Variants in NPHP1 observed in about 807,000 individuals in gnomAD.
NPHP1 encodes nephrocystin-1.
A neutral mutation model predicts 90.4 loss-of-function variants in NPHP1; 70 were observed. That is an observed-to-expected ratio of 0.77 (90% CI 0.64 to 0.95). The LOEUF (loss-of-function observed/expected upper bound fraction) is 0.95. Ranked by LOEUF, NPHP1 falls within the 40% of genes least tolerant of loss-of-function variation. The pLI is 0.00. For synonymous variants in NPHP1, 256 were observed against 271.7 expected (o/e 0.94, Z 0.57); for missense variants, 764 against 795.9 (o/e 0.96, Z 0.48).
intron 1 of NPHP1, among the ~76,000 whole-genome samples, chr2:110,204,490 T>C (rs559091562): frequency 3.3e-5 from 5 of 152,206 alleles, no homozygotes; most frequent in African/African-American, 1.2e-4. Flanking sequence ...TGAGGAAGGC[T>C]GAAAGGAAAT....
At chr2:110,192,083 T>A (rs943379280) in intron 2 of NPHP1, among the ~76,000 whole-genome samples, 3 of 151,540 alleles carry the variant, frequency 2.0e-5, no homozygotes, top group Non-Finnish European at 4.4e-5. Context: ...AACTGAAAAT[T>A]CTAAAAATCA....
At chr2:110,153,020 A>G (rs1681610937) in intron 11 of NPHP1, among the ~76,000 whole-genome samples, 1 of 152,148 alleles carries the variant, frequency 6.6e-6, no homozygotes, top group Non-Finnish European at 1.5e-5. Flanking sequence ...TACACCGTAA[A>G]CTTCTGAAAA....
At chr2:110,135,034 T>C (rs898134566) in intron 16 of NPHP1, among the ~76,000 whole-genome samples, 1 of 152,032 alleles carries the variant, frequency 6.6e-6, no homozygotes, top group Admixed American at 6.6e-5. Flanking sequence ...ATATGTAGAA[T>C]ATATGTAGAA....
rs3748031 is a variant in NPHP1, at chr2:110,124,113, A to C, written c.1762-50T>G. 44 of 1,606,676 alleles carry C rather than the reference A, an allele frequency of 2.7e-5. No individual in the cohort carries two copies. In the East Asian group the frequency reaches 9.6e-4, roughly 35 times the overall value. On this transcript the variant is annotated intron_variant, in intron 19 of 19. Coordinates refer to ENST00000445609, the MANE Select transcript of NPHP1 (RefSeq NM_001128178.3). ...TAACATTGTTATTTTTAAAGTGTTAAATTCTGTGAACTCTATTAACTAAAA... is the reference window on the plus strand; with the variant it reads ...TAACATTGTTATTTTTAAAGTGTTACATTCTGTGAACTCTATTAACTAAAA...
At chr2:110,191,366 C>T (rs1352709154) in intron 2 of NPHP1, among the ~76,000 whole-genome samples, 3 of 152,230 alleles carry the variant, frequency 2.0e-5, no homozygotes, top group Admixed American at 6.5e-5. Flanking sequence ...CAGGAGATTA[C>T]ATCGCGCACA....
At chr2:110,127,239 C>T (rs1395610413) in intron 18 of NPHP1, 3 of 152,126 alleles carry the variant, frequency 2.0e-5, no homozygotes, top group South Asian at 2.1e-4. Context: ...GAGGCTCCAC[C>T]AGCCTGTACC....
At chr2:110,166,708 A>T (rs1304353649) in intron 6 of NPHP1, among the ~76,000 whole-genome samples, 5 of 152,164 alleles carry the variant, frequency 3.3e-5, no homozygotes, top group Non-Finnish European at 5.9e-5. Flanking sequence ...CTTCTACCTT[A>T]TTTAAGCTAC....
intron 15 of NPHP1, chr2:110,143,870 A>C (rs1680825897): frequency 2.0e-6 from 1 of 500,494 alleles, no homozygotes; most frequent in African/African-American, 1.9e-5. Context: ...AAAGGAAAAC[A>C]GCATGTCTGA....
intron 2 of NPHP1, among the ~76,000 whole-genome samples, chr2:110,190,880 T>C (rs987291278): frequency 1.3e-5 from 2 of 151,874 alleles, no homozygotes; most frequent in Admixed American, 6.6e-5. Context: ...AAAAACCCCA[T>C]TAAAAAGTGA....
intron 4 of NPHP1, chr2:110,178,188 G>A (rs1683639314): frequency 1.9e-6 from 1 of 528,182 alleles, no homozygotes; most frequent in African/African-American, 1.9e-5. Flanking sequence ...TCAGATCTCT[G>A]TTTTGTTTCA....
intron 14 of NPHP1, among the ~76,000 whole-genome samples, chr2:110,144,870 G>A (rs1367672159): frequency 6.6e-6 from 1 of 151,980 alleles, no homozygotes; most frequent in Non-Finnish European, 1.5e-5. Context: ...AGACCTTAAT[G>A]ACTTACATTA....
chr2:110,150,238 T>C lies in NPHP1; in HGVS notation c.1102A>G (p.Thr368Ala). The change falls in exon 12 of 20, where the codon ACA becomes GCA. Residue 368 changes from threonine to alanine, a missense_variant. Coordinates refer to ENST00000445609, the MANE Select transcript of NPHP1 (RefSeq NM_001128178.3). ...DGNKVLSNIH[T>A]VRATWQPKKP... ...TTAGGTTGCCATGTGGCTCTGACTG[T>C]ATGAATGTTGCTCAGAACCTGAAAT... 1 of 1,613,934 alleles carries C rather than the reference T, an allele frequency of 6.2e-7. No homozygotes were observed. Among genetic ancestry groups the C allele is most frequent in the Non-Finnish European group, 8.5e-7 (1 of 1,179,824 alleles).
intron 11 of NPHP1, among the ~76,000 whole-genome samples, chr2:110,154,171 G>C (rs569175708): frequency 1.3e-5 from 2 of 152,210 alleles, no homozygotes; most frequent in Admixed American, 1.3e-4. Context: ...AGTCTCATGA[G>C]ATCTGATGAT....
chr2:110,169,159 T>C (rs1682931392), intron 5 of NPHP1, among the ~76,000 whole-genome samples: 1 of 152,070 alleles, frequency 6.6e-6, no homozygotes, highest in South Asian at 2.1e-4. Flanking sequence ...CTAATATTGA[T>C]ACCATTTTCC....
rs568033926 is a variant in NPHP1, at chr2:110,136,860, T to C, written c.1530-5069A>G. Among the ~76,000 whole-genome samples, 302 of 152,192 alleles carry C rather than the reference T, an allele frequency of 2.0e-3. 2 individuals are homozygous for C. Among genetic ancestry groups the C allele is most frequent in the East Asian group, 0.014 (74 of 5,170 alleles). ...CATGGAACCAAAAAAGAGCCCGCATTGCCAAGTCAATCCTAAGCCAAAAGA... is the reference window on the plus strand; with the variant it reads ...CATGGAACCAAAAAAGAGCCCGCATCGCCAAGTCAATCCTAAGCCAAAAGA... On this transcript the variant is annotated intron_variant, in intron 16 of 19. Coordinates refer to ENST00000445609, the MANE Select transcript of NPHP1 (RefSeq NM_001128178.3).
chr2:110,126,390 G>A (rs1679370829), intron 18 of NPHP1: 2 of 152,554 alleles, frequency 1.3e-5, no homozygotes, highest in Admixed American at 1.3e-4. Context: ...TCTCAGCAGG[G>A]AGGCCCTGGG....
chr2:110,145,405 C>T (rs1044575978), intron 14 of NPHP1, among the ~76,000 whole-genome samples: 2 of 152,106 alleles, frequency 1.3e-5, no homozygotes, highest in Non-Finnish European at 2.9e-5. Context: ...ATCCTCCCAG[C>T]TCAGCCTCCT....
In NPHP1 at chr2:110,150,628, C is replaced by G. The variant is rs555058776; in HGVS notation, c.1084-372G>C. 2.0e-5 allele frequency among the ~76,000 whole-genome samples: 3 copies of G among 152,098 alleles called. No homozygotes were observed. The East Asian group carries it at 5.9e-4, about 30-fold the overall frequency. On this transcript the variant is annotated intron_variant, in intron 11 of 19. Coordinates refer to ENST00000445609, the MANE Select transcript of NPHP1 (RefSeq NM_001128178.3). ...GCAGTGGCATGATCTAGGCTCACTG[C>G]AACCTCCGCCTCCCAGGTACAAGTG...
At chr2:110,182,876 C>T (rs1184093905) in intron 2 of NPHP1, among the ~76,000 whole-genome samples, 2 of 152,048 alleles carry the variant, frequency 1.3e-5, no homozygotes, top group African/African-American at 2.4e-5. Context: ...CAAGATCCAT[C>T]GGTATGCTGT....
Sources: allele counts gnomAD v4.1 joint callset (sites outside exome capture counted in the v4.1 genomes callset), GRCh38; gene constraint gnomAD v4.1.1; transcripts MANE v1.5; gene names NCBI Gene and HGNC (gene_info 2026-07-23, HGNC 2026-07-21).